The following STXBP4 variants were observed in gnomAD, a reference collection of about 807,000 sequenced individuals.
STXBP4 encodes syntaxin-binding protein 4.
In STXBP4, 55 loss-of-function variants were observed where a neutral mutation model predicts 76.1. That is an observed-to-expected ratio of 0.72 (90% CI 0.58 to 0.91). The LOEUF is 0.91. Among genes scored for constraint, STXBP4 ranks in the 40% least tolerant of loss-of-function variants. STXBP4 has a pLI of 0.00. For missense variants in STXBP4, 618 were observed against 636.9 expected, an observed-to-expected ratio of 0.97 and a Z score of 0.32; for synonymous variants, 201 against 220.2, an observed-to-expected ratio of 0.91 and a Z score of 0.77.
intron 16 of STXBP4, among the ~76,000 whole-genome samples, chr17:55,118,769 T>C (rs990902212): frequency 6.6e-6 from 1 of 151,730 alleles, no homozygotes; most frequent in South Asian, 2.1e-4. Flanking sequence ...TAGGCAAATG[T>C]ACTATTATAG....
intron 12 of STXBP4, among the ~76,000 whole-genome samples, chr17:55,050,839 A>C (rs901967042): frequency 3.3e-5 from 5 of 151,734 alleles, no homozygotes; most frequent in Non-Finnish European, 7.4e-5. Context: ...AGCTAATTTT[A>C]GTATTTTTAG....
chr17:54,970,953 T>C (rs1241411368), intron 1 of STXBP4, among the ~76,000 whole-genome samples: 1 of 149,176 alleles, frequency 6.7e-6, no homozygotes, highest in East Asian at 2.0e-4. Flanking sequence ...TGACAGTTCA[T>C]GTTTATGAAA....
In STXBP4 at chr17:54,975,286, C is replaced by T. The variant is rs149687690; in HGVS notation, c.-157+6471C>T. ...CCTGAGTAGTAGCTGGGATTACAGG[C>T]GCATACCACCATGCCCTGCTAAAAA... is the stretch of plus-strand genomic sequence containing the variant. On this transcript the variant is annotated intron_variant, in intron 1 of 17. Coordinates refer to ENST00000376352, the MANE Select transcript of STXBP4 (RefSeq NM_178509.6). 3.2e-3 allele frequency among the ~76,000 whole-genome samples: 491 copies of T among 152,224 alleles called. 11 individuals carry two copies. Among genetic ancestry groups the T allele is most frequent in the East Asian group, 0.025 (130 of 5,174 alleles).
chr17:55,098,568 C>A (rs1233979591), intron 16 of STXBP4, among the ~76,000 whole-genome samples: 1 of 152,112 alleles, frequency 6.6e-6, no homozygotes, highest in African/African-American at 2.4e-5. Context: ...GAAAAGTGTT[C>A]CAGACAGAGG....
chr17:54,973,795 A>G (rs2077432341), intron 1 of STXBP4, among the ~76,000 whole-genome samples: 1 of 152,238 alleles, frequency 6.6e-6, no homozygotes, highest in African/African-American at 2.4e-5. Flanking sequence ...TGTTAATTAC[A>G]CATTTTAAAT....
chr17:54,990,992 A>T, intron 4 of STXBP4, 35 bp downstream of exon 4: 1 of 1,484,014 alleles, frequency 6.7e-7, no homozygotes, highest in Non-Finnish European at 8.9e-7. Flanking sequence ...AAAAATACAA[A>T]CAAAAAGACC....
At chr17:54,971,336 C>G (rs947437698) in intron 1 of STXBP4, among the ~76,000 whole-genome samples, 2 of 152,202 alleles carry the variant, frequency 1.3e-5, no homozygotes, top group African/African-American at 4.8e-5. Context: ...ACTTGTTTCT[C>G]AAAGTGCTGA....
At chr17:55,199,316 G>C in the STXBP4 span, among the ~76,000 whole-genome samples, 1 of 152,186 alleles carries the variant, frequency 6.6e-6, no homozygotes, top group Non-Finnish European at 1.5e-5. Context: ...ACAGTACTCT[G>C]TGAATTCTTG....
intron 8 of STXBP4, among the ~76,000 whole-genome samples, chr17:55,030,512 C>T (rs1218116903): frequency 6.6e-6 from 1 of 152,124 alleles, no homozygotes; most frequent in Non-Finnish European, 1.5e-5. Flanking sequence ...AGCTGCATGG[C>T]AGTGTTTTCA....
At chr17:54,979,606 A>G (rs2077521036) in intron 1 of STXBP4, among the ~76,000 whole-genome samples, 1 of 152,204 alleles carries the variant, frequency 6.6e-6, no homozygotes, top group Non-Finnish European at 1.5e-5. Flanking sequence ...TACCACCCTG[A>G]ACATGCCAGA....
At chr17:55,146,037 A>G (rs915932746) in intron 17 of STXBP4, among the ~76,000 whole-genome samples, 6 of 152,126 alleles carry the variant, frequency 3.9e-5, no homozygotes, top group Non-Finnish European at 5.9e-5. Flanking sequence ...TTACAGATTT[A>G]TAGTAGTCTT....
chr17:55,137,997 T>C (rs903419273), intron 16 of STXBP4, among the ~76,000 whole-genome samples: 1 of 152,130 alleles, frequency 6.6e-6, no homozygotes, highest in African/African-American at 2.4e-5. Flanking sequence ...TCACATGTGT[T>C]CATTTGTGTT....
chr17:55,043,408 G>A, intron 11 of STXBP4, 83 bp downstream of exon 11: 1 of 829,786 alleles, frequency 1.2e-6, no homozygotes, highest in Non-Finnish European at 1.8e-6. Context: ...CTGAAGCATT[G>A]GGGCTTAATT....
rs1342326714 is a variant in STXBP4, at chr17:55,000,892, A to C, written c.574+9A>C. 2 of 1,528,632 alleles carry C rather than the reference A, an allele frequency of 1.3e-6. No homozygotes were observed. Among genetic ancestry groups the C allele is most frequent in the Admixed American group, 3.4e-5 (2 of 58,244 alleles). The allele number at this position is 1,528,632 out of a possible 1,614,324, so 94.7% of individuals were successfully genotyped here. On this transcript the variant is annotated intron_variant, in intron 7 of 17. Transcript: ENST00000376352. ...GGGTTTGTCTAATACAGGTAAATAC[A>C]CATTTAATTTCTATTTCCTGTTTTT... is the stretch of plus-strand genomic sequence containing the variant.
chr17:55,016,278 C>T (rs887721433), intron 8 of STXBP4, among the ~76,000 whole-genome samples: 5 of 152,132 alleles, frequency 3.3e-5, no homozygotes, highest in African/African-American at 1.2e-4. Flanking sequence ...CCTTTCTTGA[C>T]CACAAAGAAA....
intron 1 of STXBP4, among the ~76,000 whole-genome samples, chr17:54,972,895 C>T (rs1312053029): frequency 1.3e-5 from 2 of 152,212 alleles, no homozygotes; most frequent in Non-Finnish European, 2.9e-5. Flanking sequence ...TGGCTGAAAG[C>T]TTGGCCCTAG....
At position 55,164,970 on chromosome 17, in the gene STXBP4, T is replaced by G. The variant is rs1420731793; in HGVS notation, c.*5059T>G. The G allele has an allele frequency of 1.3e-5, 2 of 152,214 alleles. No individual in the cohort carries two copies. Among genetic ancestry groups the G allele is most frequent in the Non-Finnish European group, 2.9e-5 (2 of 68,034 alleles). 9.4% of individuals were successfully genotyped at this position (152,214 alleles called of 1,614,324 possible). Reference sequence around the variant, plus strand: ...GAGATATATGTGTTTCTAGCCCTTGTGTAATTCGTATTCTATGCAAAGGAT... The same window carrying G: ...GAGATATATGTGTTTCTAGCCCTTGGGTAATTCGTATTCTATGCAAAGGAT... On this transcript the variant is annotated 3_prime_UTR_variant, in exon 18 of 18. Transcript: ENST00000376352.
rs2080327656 is a variant in STXBP4, at chr17:55,160,507, G to A, written c.*596G>A. ...ACATGCCCGTGAAGCTGATCTGGTG[G>A]GTATGTTTATTCTTGGTTTTCAGTA... On this transcript the variant is annotated 3_prime_UTR_variant, in exon 18 of 18. Transcript: ENST00000376352. The A allele has an allele frequency of 6.6e-6, 1 of 152,504 alleles. No homozygotes were observed. The highest frequency in any genetic ancestry group is 1.5e-5 in the Non-Finnish European group (1 of 68,052). 9.4% of individuals were successfully genotyped at this position (152,504 alleles called of 1,614,324 possible).
intron 10 of STXBP4, among the ~76,000 whole-genome samples, chr17:55,038,331 G>A (rs1003257996): frequency 1.3e-5 from 2 of 151,978 alleles, no homozygotes; most frequent in Admixed American, 1.3e-4. Context: ...ATTGGAACCA[G>A]TATTTTGACT....
Sources: allele counts gnomAD v4.1 joint callset (sites outside exome capture counted in the v4.1 genomes callset), GRCh38; gene constraint gnomAD v4.1.1; transcripts MANE v1.5; gene names NCBI Gene and HGNC (gene_info 2026-07-23, HGNC 2026-07-21).